Variants in ATP13A3 observed in about 807,000 individuals in gnomAD.
ATP13A3 encodes the protein polyamine-transporting ATPase 13A3.
In ATP13A3, 59 loss-of-function variants were observed where a neutral mutation model predicts 158.1. The observed-to-expected ratio is 0.37, with a 90% confidence interval of 0.30 to 0.46. ATP13A3 has a LOEUF of 0.46. Among genes scored for constraint, ATP13A3 ranks in the 20% least tolerant of loss-of-function variants. The pLI is 1.00. For synonymous variants in ATP13A3, 491 were observed against 504.3 expected (o/e 0.97, Z 0.35); for missense variants, 1,166 against 1,525.2 (o/e 0.76, Z 3.92).
intron 33 of ATP13A3, among the ~76,000 whole-genome samples, chr3:194,411,743 GA>G (rs1413949205): frequency 2.6e-5 from 4 of 152,182 alleles, no homozygotes; most frequent in African/African-American, 9.7e-5. Flanking sequence ...CAAGAAATCA[GA>G]AATAATTCTT....
chr3:194,477,064 G>A (rs1452530952), intron 2 of ATP13A3, among the ~76,000 whole-genome samples: 1 of 152,158 alleles, frequency 6.6e-6, no homozygotes, highest in African/African-American at 2.4e-5. Flanking sequence ...AACACAATCT[G>A]TAGTTCTTCA....
intron 2 of ATP13A3, among the ~76,000 whole-genome samples, chr3:194,463,035 C>T (rs1358315175): frequency 6.6e-6 from 1 of 152,198 alleles, no homozygotes; most frequent in Admixed American, 6.5e-5. Context: ...AGAGCTATGG[C>T]ACTAGCAATG....
rs539401211 is a variant in ATP13A3 at position 194,494,051 on chromosome 3, C to G, written n.745G>C. The G allele has an allele frequency of 5.0e-6, 2 of 397,802 alleles. No homozygotes were observed. Among genetic ancestry groups the G allele is most frequent in the Non-Finnish European group, 8.9e-6 (2 of 225,902 alleles). The allele number at this position is 397,802 out of a possible 1,614,324, so 24.6% of individuals were successfully genotyped here. A position where few individuals can be genotyped will look rare whatever the true frequency, so the allele number is the denominator to read the frequency against. ...AAAAAGAGGTGTTCAATAACTCACCCGAAAGCACAGCCAGGATTCAAACCC... is the reference window on the plus strand; with the variant it reads ...AAAAAGAGGTGTTCAATAACTCACCGGAAAGCACAGCCAGGATTCAAACCC... On this transcript the variant is annotated splice_region_variant and non_coding_transcript_exon_variant, in exon 2 of 33. Coordinates refer to the ATP13A3 transcript ENST00000687055. This position sits in a 1 kb window ranked among gnomAD's most constrained non-coding sequence, Gnocchi z 4.2.
intron 32 of ATP13A3, among the ~76,000 whole-genome samples, chr3:194,413,221 C>T (rs1715569065): frequency 6.6e-6 from 1 of 152,146 alleles, no homozygotes; most frequent in Non-Finnish European, 1.5e-5. Flanking sequence ...GTACTTAAGA[C>T]CTCTAGAGGT....
chr3:194,456,988 T>C, intron 7 of ATP13A3, 106 bp downstream of exon 7: 6 of 665,382 alleles, frequency 9.0e-6, no homozygotes, highest in Non-Finnish European at 1.5e-5. Context: ...GTCTGTAATA[T>C]TTAAGTATCT....
chr3:194,433,093 C>T (rs1044168494), intron 21 of ATP13A3, among the ~76,000 whole-genome samples: 8 of 152,018 alleles, frequency 5.3e-5, no homozygotes, highest in African/African-American at 1.5e-4. Context: ...ACTCCTAACC[C>T]TCAAGAATCT....
At position 194,448,320 on chromosome 3, in the gene ATP13A3, C is replaced by T. The variant is rs1009928826; in HGVS notation, c.1150+137G>A. 2.3e-5 allele frequency: 23 copies of T among 983,872 alleles called. No homozygotes were observed. The highest frequency in any genetic ancestry group is 1.5e-4 in the African/African-American group (9 of 60,414). The allele number at this position is 983,872 out of a possible 1,614,324, so 60.9% of individuals were successfully genotyped here. A position where few individuals can be genotyped will look rare whatever the true frequency, so the allele number is the denominator to read the frequency against. On this transcript the variant is annotated intron_variant, in intron 12 of 33. Coordinates refer to ENST00000645319, the MANE Select transcript of ATP13A3 (RefSeq NM_001367549.1). The surrounding 1 kb of genome is among the most constrained non-coding windows in gnomAD (Gnocchi z 4.0). ...GTCTCAATCTCCTGACCTCATGATC[C>T]GCCCACCTCGGCTTCCCAAAGTGCT...
intron 11 of ATP13A3, 27 bp downstream of exon 11, chr3:194,450,118 A>G (rs772381523): frequency 2.7e-5 from 43 of 1,609,492 alleles, no homozygotes; most frequent in Non-Finnish European, 3.3e-5. Flanking sequence ...TGAACAACTC[A>G]TGTTGATATT....
intron 21 of ATP13A3, chr3:194,432,096 T>C: frequency 2.2e-6 from 1 of 456,464 alleles, no homozygotes; most frequent in Non-Finnish European, 3.8e-6. Flanking sequence ...AAGCACGTTA[T>C]ATGCTAAAGA....
At chr3:194,488,071 G>C (rs1721077392), upstream of ATP13A3, 1 of 152,404 alleles carries the variant, frequency 6.6e-6, no homozygotes, top group South Asian at 2.1e-4. This position sits in a 1 kb window ranked among gnomAD's most constrained non-coding sequence, Gnocchi z 4.1. Flanking sequence ...AGCCACCCCT[G>C]GTCCCCTAGA....
chr3:194,449,186 T>C (rs1266532772), intron 11 of ATP13A3, among the ~76,000 whole-genome samples: 1 of 152,054 alleles, frequency 6.6e-6, no homozygotes, highest in East Asian at 1.9e-4. Context: ...CTTTTTAAAA[T>C]TAATTCTCTG....
intron 11 of ATP13A3, among the ~76,000 whole-genome samples, chr3:194,449,169 C>T (rs2108904265): frequency 6.6e-6 from 1 of 151,358 alleles, no homozygotes; most frequent in East Asian, 1.9e-4. Flanking sequence ...CCACAAACAG[C>T]CAAATTCTTT....
chr3:194,410,865 G>A (rs1715357295), intron 33 of ATP13A3, among the ~76,000 whole-genome samples: 2 of 125,920 alleles, frequency 1.6e-5, no homozygotes, highest in Middle Eastern at 4.2e-3. Context: ...GATTACATAA[G>A]CCAAAGATAA....
At chr3:194,430,353 C>G (rs540190492) in intron 24 of ATP13A3, 38 bp from the exon 25 acceptor site, 1 of 1,587,574 alleles carries the variant, frequency 6.3e-7, no homozygotes, top group East Asian at 2.3e-5. Context: ...TAATTAATTT[C>G]TTAAACTACA....
At chr3:194,468,401 A>C (rs919639307) in intron 2 of ATP13A3, among the ~76,000 whole-genome samples, 4 of 149,940 alleles carry the variant, frequency 2.7e-5, no homozygotes, top group Admixed American at 6.6e-5. Context: ...AAAAAAAAAA[A>C]AAAACAGTAT....
At chr3:194,431,470 C>T (rs188420394) in intron 22 of ATP13A3, among the ~76,000 whole-genome samples, 12 of 152,268 alleles carry the variant, frequency 7.9e-5, no homozygotes, top group Admixed American at 3.9e-4. Context: ...CTGAAGAATA[C>T]GATAAACATC....
At chr3:194,411,262 C>A (rs1715407555) in intron 33 of ATP13A3, among the ~76,000 whole-genome samples, 1 of 152,058 alleles carries the variant, frequency 6.6e-6, no homozygotes, top group Non-Finnish European at 1.5e-5. Flanking sequence ...AAGTGGGTAA[C>A]CCAACTCAAA....
At chr3:194,489,659 C>T (rs188371051), upstream of ATP13A3, among the ~76,000 whole-genome samples, 413 of 152,166 alleles carry the variant, frequency 2.7e-3, 2 homozygotes, top group Non-Finnish European at 3.6e-3. The surrounding 1 kb of genome is among the most constrained non-coding windows in gnomAD (Gnocchi z 4.1). Context: ...CCCCAGAATT[C>T]GAGGTGCAGC....
chr3:194,423,598 G>C (rs182921426), intron 30 of ATP13A3, among the ~76,000 whole-genome samples: 1 of 152,218 alleles, frequency 6.6e-6, no homozygotes, highest in Non-Finnish European at 1.5e-5. Context: ...TTTACCCACT[G>C]AGAGAAGTAC....
Sources: allele counts gnomAD v4.1 joint callset (sites outside exome capture counted in the v4.1 genomes callset), GRCh38; gene constraint gnomAD v4.1.1; non-coding constraint Gnocchi (gnomAD v3.1); transcripts MANE v1.5; gene names NCBI Gene and HGNC (gene_info 2026-07-23, HGNC 2026-07-21).